Variants in PPP4R3B observed in about 807,000 individuals in gnomAD.
PPP4R3B encodes serine/threonine-protein phosphatase 4 regulatory subunit 3B.
Under a neutral mutation model 95.4 loss-of-function variants are expected in PPP4R3B, and 52 were observed. The observed-to-expected ratio is 0.54, with a 90% CI of 0.44 to 0.69. The LOEUF is 0.69. PPP4R3B is among the 30% of genes least tolerant of loss of function. The probability of loss-of-function intolerance (pLI) is 0.00; values close to 1 mark genes in which losing one functional copy is unlikely to be tolerated. For missense variants in PPP4R3B, 1,003 were observed against 1,005.9 expected (o/e 1.00, Z 0.04); for synonymous variants, 407 against 343.9 (o/e 1.18, Z -2.03).
At position 55,578,292 on chromosome 2, in the gene PPP4R3B, A is replaced by G; in HGVS notation, c.1519T>C (p.Ser507Pro). Residue 507 changes from serine to proline, a missense_variant, in exon 10 of 17, where the codon TCA (serine) becomes CCA (proline). This residue lies in a region of PPP4R3B where 695 missense variants were observed against 686.2 expected (regional missense o/e 1.01). Transcript: ENST00000616407. ...RYSWSFICTP[S>P]HSHSHSTPSS... ...GGGGTAGAATGGGAATGGGAATGTGAAGGGGTACATATGAAACTCCAACTA... is the reference window on the plus strand; with the variant it reads ...GGGGTAGAATGGGAATGGGAATGTGGAGGGGTACATATGAAACTCCAACTA... 1 of 1,484,040 alleles carries G rather than the reference A, an allele frequency of 6.7e-7. No individual in the cohort carries two copies. Among genetic ancestry groups the G allele is most frequent in the Non-Finnish European group, 9.0e-7 (1 of 1,115,436 alleles). The allele number at this position is 1,484,040 out of a possible 1,614,324, so 91.9% of individuals were successfully genotyped here. A position where few individuals can be genotyped will look rare whatever the true frequency, so the allele number is the denominator to read the frequency against.
intron 11 of PPP4R3B, among the ~76,000 whole-genome samples, 193 bp from the exon 12 acceptor site, chr2:55,573,970 C>T (rs1004043445): frequency 6.9e-6 from 1 of 144,694 alleles, no homozygotes; most frequent in Admixed American, 7.3e-5. Context: ...CACATTGCAG[C>T]TTCCACCTCC....
intron 7 of PPP4R3B, 93 bp downstream of exon 7, chr2:55,584,958 G>T (rs1311440934): frequency 2.0e-6 from 2 of 982,684 alleles, no homozygotes; most frequent in Non-Finnish European, 1.5e-6. Context: ...TCCCAAGAAA[G>T]ATTAAGATTA....
chr2:55,569,913 T>A (rs748157851), intron 12 of PPP4R3B, among the ~76,000 whole-genome samples: 2 of 152,146 alleles, frequency 1.3e-5, no homozygotes. Context: ...TGATGCCAGA[T>A]GCCAATCACA....
Position 55,564,440 on chromosome 2 carries a change from C to G in PPP4R3B, c.2133G>C (p.Glu711Asp). 6.2e-7 allele frequency: 1 copy of G among 1,613,578 alleles called. No individual in the cohort carries two copies. The highest frequency in any genetic ancestry group is 8.5e-7 in the Non-Finnish European group (1 of 1,179,796). The change falls in exon 15 of 17, where the codon GAG becomes GAC. Residue 711 changes from glutamate to aspartate, a missense_variant. Physicochemically the swap from Glu to Asp is conservative, Grantham distance 45. Transcript: ENST00000616407. ...CTTCATTAAACCACATTTCTTCATC[C>G]TCTTCCAAGGCTTTTGCATCTCTGC... ...RFRRDAKALE[E>D]DEEMWFNEDE...
chr2:55,609,739 G>C (rs920283350), intron 2 of PPP4R3B, among the ~76,000 whole-genome samples: 2 of 150,344 alleles, frequency 1.3e-5, no homozygotes, highest in Non-Finnish European at 3.0e-5. Flanking sequence ...TCAAAGCCCG[G>C]ATGGAAAAGA....
At chr2:55,592,236 A>T (rs1480041401) in intron 4 of PPP4R3B, among the ~76,000 whole-genome samples, 2 of 152,238 alleles carry the variant, frequency 1.3e-5, no homozygotes, top group African/African-American at 4.8e-5. Flanking sequence ...AAATTTCAAG[A>T]GACTGAGGTT....
chr2:55,559,859 C>T (rs1258568028), intron 15 of PPP4R3B, among the ~76,000 whole-genome samples: 3 of 152,138 alleles, frequency 2.0e-5, no homozygotes, highest in East Asian at 3.8e-4. Context: ...CAGTGGCTCA[C>T]GCCTGTAATC....
At position 55,568,300 on chromosome 2, in the gene PPP4R3B, G is replaced by A. The variant is rs1455555533; in HGVS notation, c.1829C>T (p.Thr610Ile). The A allele has an allele frequency of 1.2e-6, 2 of 1,610,206 alleles. No individual in the cohort carries two copies. Among genetic ancestry groups the A allele is most frequent in the Non-Finnish European group, 1.7e-6 (2 of 1,178,218 alleles). The change falls in exon 13 of 17, where the codon ACC becomes ATC. Residue 610 changes from threonine to isoleucine, a missense_variant. Physicochemically the swap from Thr to Ile is moderately conservative, Grantham distance 89. Transcript: ENST00000616407. ...AACTGGCTCAAAAAGATTTCCCTTG[G>A]TGATGTAACGATTATAAAATTCATC... is the stretch of plus-strand genomic sequence containing the variant. ...LKDEFYNRYI[T>I]KGNLFEPVIN...
chr2:55,558,863 T>A lies in PPP4R3B; in HGVS notation c.2366A>T (p.Lys789Ile). ...TGGTGGTATCTGAGCCACTACAGATTTACTGTTTGTTCCATTAGCAGCACT... is the reference window on the plus strand; with the variant it reads ...TGGTGGTATCTGAGCCACTACAGATATACTGTTTGTTCCATTAGCAGCACT... ...SASAANGTNS[K>I]SVVAQIPPAT... The change falls in exon 16 of 17, where the codon AAA (lysine) becomes ATA (isoleucine). Residue 789 changes from lysine (K) to isoleucine (I), a missense_variant. Lys to Ile is a moderately radical substitution (Grantham distance 102). This residue lies in a region of PPP4R3B where 229 missense variants were observed against 194.7 expected (regional missense o/e 1.18). Transcript: ENST00000616407. 6.2e-7 allele frequency: 1 copy of A among 1,614,014 alleles called. No homozygotes were observed. Among genetic ancestry groups the A allele is most frequent in the Non-Finnish European group, 8.5e-7 (1 of 1,179,952 alleles).
At chr2:55,567,138 C>T (rs1332700618) in intron 13 of PPP4R3B, among the ~76,000 whole-genome samples, 2 of 152,186 alleles carry the variant, frequency 1.3e-5, no homozygotes, top group East Asian at 3.8e-4. Flanking sequence ...TTATCTGTTG[C>T]ATTCCTGTTA....
chr2:55,594,297 T>TA (rs1485609247), intron 4 of PPP4R3B, among the ~76,000 whole-genome samples: 5 of 66,856 alleles, frequency 7.5e-5, no homozygotes, highest in Non-Finnish European at 1.5e-4. Context: ...CCTCTGAATC[T>TA]AAAATAAAAA....
chr2:55,599,134 T>C lies in PPP4R3B; in HGVS notation c.298-95A>G. The C allele has an allele frequency of 3.4e-6, 4 of 1,178,620 alleles. No individual in the cohort carries two copies. The South Asian group carries it at 4.8e-5, about 14-fold the overall frequency. The allele number at this position is 1,178,620 out of a possible 1,614,324, so 73.0% of individuals were successfully genotyped here. On this transcript the variant is annotated intron_variant, in intron 3 of 16. Transcript: ENST00000616407. The stretch of plus-strand genomic sequence containing the variant: ...CATTTGGAAATGCCTGGCTAGTCAC[T>C]ACTAATTAAAAGTGAAGTCTAGGCC...
At chr2:55,595,420 G>A (rs1417882830) in intron 4 of PPP4R3B, among the ~76,000 whole-genome samples, 1 of 151,050 alleles carries the variant, frequency 6.6e-6, no homozygotes, top group East Asian at 2.0e-4. Flanking sequence ...GAGGCCAGGA[G>A]TTTGAGACCA....
At chr2:55,588,842 A>G (rs756227617) in intron 5 of PPP4R3B, 37 bp downstream of exon 5, 27 of 1,419,138 alleles carry the variant, frequency 1.9e-5, no homozygotes, top group Admixed American at 1.3e-4. Context: ...TGCCAAAAGA[A>G]TAAGTGCTCT....
chr2:55,598,739 C>T lies in PPP4R3B; in HGVS notation c.598G>A (p.Gly200Arg). ...GLHHLYEIIR[G>R]ILFLNKATLF... is the part of the protein sequence containing the mutation. ...GTTGCCTTATTTAGGAATAAGATTC[C>T]TCTAATAATTTCATACAAATGGTGT... Residue 200 changes from glycine (G) to arginine (R), a missense_variant, in exon 4 of 17, where the codon GGA becomes AGA. Physicochemically the swap from Gly to Arg is moderately radical, Grantham distance 125. Transcript: ENST00000616407. The T allele has an allele frequency of 6.2e-7, 1 of 1,614,190 alleles. No homozygotes were observed. The highest frequency in any genetic ancestry group is 8.5e-7 in the Non-Finnish European group (1 of 1,180,036).
At chr2:55,561,076 G>A (rs1009829783) in intron 15 of PPP4R3B, among the ~76,000 whole-genome samples, 9 of 152,106 alleles carry the variant, frequency 5.9e-5, no homozygotes, top group African/African-American at 1.9e-4. Flanking sequence ...TGGGCCCAGG[G>A]CCCTGCTGCT....
rs150025258 is a variant in PPP4R3B, at chr2:55,591,890, T to C, written c.922-2934A>G. ...CTTAAAGCCTATCATATAGTTGAAA[T>C]ACTTACTCCAAAATCTCTGGTTCTC... is the stretch of plus-strand genomic sequence containing the variant. On this transcript the variant is annotated intron_variant, in intron 4 of 16. Coordinates refer to ENST00000616407, the MANE Select transcript of PPP4R3B (RefSeq NM_001122964.3). Among the ~76,000 whole-genome samples, 32 of 151,568 alleles carry C rather than the reference T, an allele frequency of 2.1e-4. No homozygotes were observed. In the East Asian group the frequency reaches 6.0e-3, roughly 28 times the overall value.
At chr2:55,589,748 T>C (rs1385503865) in intron 4 of PPP4R3B, among the ~76,000 whole-genome samples, 1 of 151,012 alleles carries the variant, frequency 6.6e-6, no homozygotes, top group Non-Finnish European at 1.5e-5. Flanking sequence ...ACCCTGTCTC[T>C]ACTAAAAATA....
intron 4 of PPP4R3B, among the ~76,000 whole-genome samples, chr2:55,596,371 C>T (rs1277361943): frequency 2.0e-5 from 3 of 152,078 alleles, no homozygotes; most frequent in Non-Finnish European, 4.4e-5. Context: ...ATTCAACAAA[C>T]GAATCCTCGG....
Sources: gnomAD v4.1 joint callset for allele counts (sites outside exome capture counted in the v4.1 genomes callset) on GRCh38, gnomAD v4.1.1 for gene constraint, gnomAD v4.1.1 regional missense constraint, MANE v1.5 for transcripts, NCBI Gene and HGNC (gene_info 2026-07-23, HGNC 2026-07-21) for gene names.